The following GPM6A variants were observed in gnomAD, a reference collection of about 807,000 sequenced individuals.
The protein encoded by GPM6A is neuronal membrane glycoprotein M6-a.
A neutral mutation model predicts 32.1 loss-of-function variants in GPM6A; 7 were observed. That is an observed-to-expected ratio of 0.22 (90% CI 0.12 to 0.41). The LOEUF is 0.41. Among genes scored for constraint, GPM6A ranks in the 10% least tolerant of loss-of-function variants. GPM6A has a pLI of 1.00. For missense variants in GPM6A, 235 were observed against 347.2 expected, an observed-to-expected ratio of 0.68 and a Z score of 2.57; for synonymous variants, 130 against 123.4, an observed-to-expected ratio of 1.05 and a Z score of -0.35.
At chr4:175,779,460 A>G (rs1353848677) in intron 1 of GPM6A, among the ~76,000 whole-genome samples, 1 of 152,170 alleles carries the variant, frequency 6.6e-6, no homozygotes, top group African/African-American at 2.4e-5. Context: ...GAGTGTAATG[A>G]ATAGCATTCA....
intron 4 of GPM6A, among the ~76,000 whole-genome samples, chr4:175,647,356 A>G (rs1741519428): frequency 6.6e-6 from 1 of 152,244 alleles, no homozygotes; most frequent in African/African-American, 2.4e-5. Flanking sequence ...ATGTAATTGA[A>G]TCACAGAATA....
intron 1 of GPM6A, among the ~76,000 whole-genome samples, chr4:175,720,420 A>G (rs923009292): frequency 6.6e-6 from 1 of 152,222 alleles, no homozygotes; most frequent in African/African-American, 2.4e-5. Flanking sequence ...ACTGCAAAAT[A>G]GAAGAATGTC....
At chr4:175,935,627 G>C (rs115656168) in intron 1 of GPM6A, among the ~76,000 whole-genome samples, 3 of 151,764 alleles carry the variant, frequency 2.0e-5, no homozygotes, top group South Asian at 2.1e-4. Context: ...AAATACAAAA[G>C]AGAAAATATA....
chr4:175,886,722 A>AACACAC (rs34241399), intron 1 of GPM6A, among the ~76,000 whole-genome samples: 147 of 145,816 alleles, frequency 1.0e-3, no homozygotes, highest in African/African-American at 3.6e-3. Flanking sequence ...AAACTCAGTA[A>AACACAC]ACACACACAC....
At chr4:175,735,806 C>G (rs796659942) in intron 1 of GPM6A, among the ~76,000 whole-genome samples, 3 of 152,222 alleles carry the variant, frequency 2.0e-5, no homozygotes, top group African/African-American at 7.2e-5. Context: ...ATGATCTGCC[C>G]TCCTTGGCCT....
At chr4:175,751,778 G>T (rs1297342147) in intron 1 of GPM6A, among the ~76,000 whole-genome samples, 4 of 151,386 alleles carry the variant, frequency 2.6e-5, no homozygotes, top group African/African-American at 7.3e-5. Context: ...TTGTTTTTTG[G>T]TTTGTTTGTT....
At chr4:175,698,876 C>G (rs1402529274) in intron 2 of GPM6A, among the ~76,000 whole-genome samples, 1 of 152,258 alleles carries the variant, frequency 6.6e-6, no homozygotes, top group East Asian at 1.9e-4. Context: ...CTTCTAAACT[C>G]CCCTCACCCC....
rs901410474 is a variant in GPM6A, at chr4:175,676,765, GA to G, written c.231-2930del. Among the ~76,000 whole-genome samples the G allele has an allele frequency of 6.6e-5, 10 of 150,670 alleles. No individual in the cohort carries two copies. The South Asian group carries it at 1.0e-3, about 16-fold the overall frequency. ...TATCTAAATGTAAAAAATGTGAAAG[GA>G]AAAAAAAGGAAGTAATTTAATCATT... On this transcript the variant is annotated intron_variant, in intron 2 of 6. Coordinates refer to ENST00000393658, the MANE Select transcript of GPM6A (RefSeq NM_201591.3).
intron 1 of GPM6A, among the ~76,000 whole-genome samples, chr4:175,926,878 T>C (rs1302565420): frequency 1.3e-5 from 2 of 152,216 alleles, no homozygotes; most frequent in Admixed American, 6.5e-5. Flanking sequence ...GTCAAATCAG[T>C]GCCTTAACCA....
At position 175,836,922 on chromosome 4, in the gene GPM6A, C is replaced by T. The variant is rs992837944; in HGVS notation, c.-22-24673G>A. 2.0e-5 allele frequency among the ~76,000 whole-genome samples: 3 copies of T among 152,104 alleles called. No individual in the cohort carries two copies. The East Asian group carries it at 5.8e-4, about 29-fold the overall frequency. On this transcript the variant is annotated intron_variant, in intron 1 of 7. Coordinates refer to the GPM6A transcript ENST00000280187. ...AGAATAACAACTCCCCCAGGATGTC[C>T]GTGTTCTAATCCACAGAACATGTAA... is the stretch of plus-strand genomic sequence containing the variant.
At chr4:175,990,209 A>G (rs1741096102) in intron 1 of GPM6A, among the ~76,000 whole-genome samples, 1 of 152,140 alleles carries the variant, frequency 6.6e-6, no homozygotes, top group Admixed American at 6.6e-5. Context: ...ATTATCCCAC[A>G]TATTTTCTTC....
At chr4:175,982,555 A>T (rs75203791) in intron 1 of GPM6A, among the ~76,000 whole-genome samples, 1,809 of 152,224 alleles carry the variant, frequency 0.012, 29 homozygotes, top group African/African-American at 0.042. Flanking sequence ...ATAAGCTGAA[A>T]TTGTGATGTG....
At chr4:175,668,591 T>G (rs747749055) in intron 3 of GPM6A, among the ~76,000 whole-genome samples, 94 of 147,220 alleles carry the variant, frequency 6.4e-4, no homozygotes, top group Non-Finnish European at 1.3e-3. Flanking sequence ...ATGCAGAGTT[T>G]CTTTACAATA....
intron 1 of GPM6A, among the ~76,000 whole-genome samples, chr4:175,717,585 G>A (rs1745904731): frequency 6.6e-6 from 1 of 152,066 alleles, no homozygotes; most frequent in Admixed American, 6.6e-5. Context: ...ATAGACATGA[G>A]TAATAAAAGA....
chr4:175,985,952 C>T (rs764134036), intron 1 of GPM6A, among the ~76,000 whole-genome samples: 2 of 151,810 alleles, frequency 1.3e-5, no homozygotes, highest in Non-Finnish European at 2.9e-5. Flanking sequence ...ATTACAGGCA[C>T]GTGCCACCAT....
intron 4 of GPM6A, 195 bp from the exon 5 acceptor site, chr4:175,641,024 T>A (rs1741112094): frequency 5.4e-6 from 3 of 554,750 alleles, no homozygotes. Flanking sequence ...GCAAGACTAT[T>A]TAGCCCTCAA....
chr4:175,653,931 A>T (rs1741937497), intron 3 of GPM6A, among the ~76,000 whole-genome samples: 1 of 152,072 alleles, frequency 6.6e-6, no homozygotes, highest in Admixed American at 6.6e-5. Context: ...AAGCACATCA[A>T]TAGGTGAAGC....
At chr4:175,699,287 G>A (rs1428126688) in intron 2 of GPM6A, among the ~76,000 whole-genome samples, 2 of 152,084 alleles carry the variant, frequency 1.3e-5, no homozygotes, top group South Asian at 2.1e-4. Context: ...TGATGAATAT[G>A]ACTTATAATC....
intron 1 of GPM6A, among the ~76,000 whole-genome samples, chr4:175,764,118 C>T (rs894678840): frequency 1.2e-4 from 19 of 152,134 alleles, no homozygotes; most frequent in Non-Finnish European, 2.1e-4. Context: ...AATTCCAGAA[C>T]GTTTTCATCA....
Sources: gnomAD v4.1 joint callset for allele counts (sites outside exome capture counted in the v4.1 genomes callset) on GRCh38, gnomAD v4.1.1 for gene constraint, MANE v1.5 for transcripts, NCBI Gene and HGNC (gene_info 2026-07-23, HGNC 2026-07-21) for gene names.